FILIP1L: variants seen among roughly 807,000 people sequenced by gnomAD.
The protein encoded by FILIP1L is filamin A-interacting protein 1-like.
FILIP1L carries 55 observed loss-of-function variants against 96.6 expected under a neutral mutation model. The ratio of observed to expected loss-of-function variants is 0.57; its 90% CI spans 0.46 to 0.71. The LOEUF (loss-of-function observed/expected upper bound fraction) is 0.71, where lower values mean the gene tolerates loss of function less well. FILIP1L is among the 30% of genes least tolerant of loss of function. The pLI is 0.00. For missense variants in FILIP1L, 1,304 were observed against 1,321.2 expected, an observed-to-expected ratio of 0.99 and a Z score of 0.20; for synonymous variants, 467 against 473.9, an observed-to-expected ratio of 0.99 and a Z score of 0.19.
intron 4 of FILIP1L, chr3:99,898,003 A>G (rs576006066): frequency 3.9e-5 from 6 of 152,266 alleles, no homozygotes; most frequent in Admixed American, 2.0e-4. Context: ...CCTCATACCA[A>G]TGTTACATTT....
intron 1 of FILIP1L, among the ~76,000 whole-genome samples, chr3:99,957,338 T>G (rs1708348752): frequency 6.6e-6 from 1 of 152,122 alleles, no homozygotes; most frequent in African/African-American, 2.4e-5. Context: ...AGAAAGTATT[T>G]AGTTGAAGAA....
At chr3:100,038,248 G>T (rs767424550) in intron 1 of FILIP1L, among the ~76,000 whole-genome samples, 2 of 152,058 alleles carry the variant, frequency 1.3e-5, no homozygotes, top group African/African-American at 4.8e-5. Context: ...GAGCCACCAC[G>T]CCCGGCCTCT....
At chr3:99,845,203 T>C (rs1576504676) in intron 5 of FILIP1L, among the ~76,000 whole-genome samples, 1 of 152,196 alleles carries the variant, frequency 6.6e-6, no homozygotes, top group Non-Finnish European at 1.5e-5. Context: ...CTAGTAAGGA[T>C]GACAATTTTA....
chr3:100,025,367 T>A (rs2064899446), intron 1 of FILIP1L: 2 of 152,188 alleles, frequency 1.3e-5, no homozygotes, highest in Non-Finnish European at 2.9e-5. Context: ...CTAACTTTCC[T>A]AATACCAACT....
chr3:100,110,472 A>G (rs1047408641), intron 1 of FILIP1L, among the ~76,000 whole-genome samples: 6 of 152,164 alleles, frequency 3.9e-5, no homozygotes, highest in African/African-American at 1.4e-4. Flanking sequence ...CATCATGAAG[A>G]TACCTGTCAT....
chr3:100,000,959 A>G (rs767374804), intron 1 of FILIP1L, among the ~76,000 whole-genome samples: 4 of 152,218 alleles, frequency 2.6e-5, no homozygotes, highest in Non-Finnish European at 5.9e-5. Flanking sequence ...TTTAATGCCA[A>G]CTATGTTTTC....
At chr3:100,014,887 C>CTTTTTTTTTTTTTTTTTTTTTTTTT (rs1559725867) in intron 1 of FILIP1L, among the ~76,000 whole-genome samples, 3 of 32,464 alleles carry the variant, frequency 9.2e-5, no homozygotes, top group Non-Finnish European at 1.7e-4. Flanking sequence ...TTTTTTTTTT[C>CTTTTTTTTTTTTTTTTTTTTTTTTT]TTTCTTTCTT....
Position 99,924,332 on chromosome 3 carries a change from C to A in FILIP1L, c.503G>T (p.Arg168Leu). 1 of 1,613,766 alleles carries A rather than the reference C, an allele frequency of 6.2e-7. No homozygotes were observed. The change falls in exon 4 of 6, where the codon CGT becomes CTT. Residue 168 changes from arginine to leucine, a missense_variant. Physicochemically the swap from Arg to Leu is moderately radical, Grantham distance 102. Transcript: ENST00000477258. ...CTCCAACTCCAATATGGTTTGCCTA[C>A]GGGATTTTTCTGCCACTAAAAGCTG... is the stretch of plus-strand genomic sequence containing the variant. ...LGQLLVAEKSRRQTILELEEE... is the reference protein window; with the variant it reads ...LGQLLVAEKSLRQTILELEEE...
chr3:99,996,966 A>G (rs1709704023), intron 1 of FILIP1L, among the ~76,000 whole-genome samples: 1 of 152,210 alleles, frequency 6.6e-6, no homozygotes, highest in African/African-American at 2.4e-5. Flanking sequence ...ATGAAAACAC[A>G]ACATGCCTTA....
chr3:99,957,149 A>C (rs1358484857), intron 1 of FILIP1L, among the ~76,000 whole-genome samples: 2 of 152,244 alleles, frequency 1.3e-5, no homozygotes, highest in East Asian at 3.8e-4. Context: ...CAGCAAAAAA[A>C]ATACTGTATG....
chr3:99,857,663 A>G (rs905281135), intron 4 of FILIP1L, among the ~76,000 whole-genome samples: 1 of 152,200 alleles, frequency 6.6e-6, no homozygotes, highest in African/African-American at 2.4e-5. Flanking sequence ...TGGTCCATAG[A>G]AATAAACTTA....
chr3:99,972,827 A>T (rs1048034645), intron 1 of FILIP1L, among the ~76,000 whole-genome samples: 12 of 152,238 alleles, frequency 7.9e-5, no homozygotes, highest in Non-Finnish European at 4.4e-5. Flanking sequence ...ATCACTTGGC[A>T]TCTGTCTGAT....
Position 99,849,770 on chromosome 3 carries a change from T to C in FILIP1L, c.1906A>G (p.Lys636Glu), listed in dbSNP as rs1208052474. 3 of 1,613,814 alleles carry C rather than the reference T, an allele frequency of 1.9e-6. No homozygotes were observed. Among genetic ancestry groups the C allele is most frequent in the Non-Finnish European group, 2.5e-6 (3 of 1,180,014 alleles). ...GCTTTCATGTCCTTTAGCTTCAGTT[T>C]CAGTCTTTCCACTTCTTGAGAGAGC... ...KELSQEVERL[K>E]LKLKDMKAIE... Residue 636 changes from lysine (K) to glutamate (E), a missense_variant, in exon 5 of 6, where the codon AAA (lysine) becomes GAA (glutamate). Physicochemically the swap from Lys to Glu is moderately conservative, Grantham distance 56. Transcript: ENST00000477258.
At chr3:99,983,432 GTA>G (rs1339536030) in intron 1 of FILIP1L, among the ~76,000 whole-genome samples, 4 of 33,482 alleles carry the variant, frequency 1.2e-4, no homozygotes, top group Admixed American at 1.2e-3. Flanking sequence ...ATGTATGTAT[GTA>G]TATATATGTA....
At chr3:100,015,497 A>G (rs1057370847) in intron 1 of FILIP1L, among the ~76,000 whole-genome samples, 1 of 152,148 alleles carries the variant, frequency 6.6e-6, no homozygotes, top group African/African-American at 2.4e-5. Flanking sequence ...AACAGTATTC[A>G]TTTTTCTAAT....
At chr3:99,942,153 G>T (rs912836499) in intron 1 of FILIP1L, among the ~76,000 whole-genome samples, 1 of 151,382 alleles carries the variant, frequency 6.6e-6, no homozygotes, top group Admixed American at 6.6e-5. Flanking sequence ...AGTGAGCCGA[G>T]ATCGTGCCAC....
chr3:99,893,741 G>A (rs1014537846), intron 4 of FILIP1L, among the ~76,000 whole-genome samples: 1 of 152,112 alleles, frequency 6.6e-6, no homozygotes, highest in Non-Finnish European at 1.5e-5. Flanking sequence ...ATTTTTCTGT[G>A]ATGAGCAGAA....
chr3:99,916,539 C>T (rs1706960726), intron 4 of FILIP1L, among the ~76,000 whole-genome samples: 3 of 151,586 alleles, frequency 2.0e-5, no homozygotes, highest in Admixed American at 2.0e-4. Context: ...TCACTGAGTG[C>T]TTTTTATGTG....
chr3:99,857,611 T>C (rs1277964494), intron 4 of FILIP1L, among the ~76,000 whole-genome samples: 1 of 152,254 alleles, frequency 6.6e-6, no homozygotes, highest in Admixed American at 6.5e-5. Context: ...ACATCAATTA[T>C]GTTTCTGTTT....
Sources: allele counts gnomAD v4.1 joint callset (sites outside exome capture counted in the v4.1 genomes callset), GRCh38; gene constraint gnomAD v4.1.1; transcripts MANE v1.5; gene names NCBI Gene and HGNC (gene_info 2026-07-23, HGNC 2026-07-21).